The following ACACA variants were observed in gnomAD, a reference collection of about 807,000 sequenced individuals.
The protein encoded by ACACA is acetyl-CoA carboxylase alpha.
A neutral mutation model predicts 296.1 loss-of-function variants in ACACA; 103 were observed. That is an observed-to-expected ratio of 0.35 (90% CI 0.30 to 0.41). ACACA has a LOEUF of 0.41. Among genes scored for constraint, ACACA ranks in the 10% least tolerant of loss-of-function variants. The pLI, the probability that ACACA is intolerant of heterozygous loss-of-function variation, is 1.00. For missense variants in ACACA, 1,554 were observed against 2,989.7 expected (o/e 0.52, Z 11.20); for synonymous variants, 953 against 1,038.6 (o/e 0.92, Z 1.58).
At chr17:37,386,048 C>T in intron 1 of ACACA, 3 of 1,605,112 alleles carry the variant, frequency 1.9e-6, no homozygotes, top group South Asian at 1.1e-5. Flanking sequence ...GTCCTGGGGG[C>T]TTCATCAGAG....
rs1419478932 is a variant in ACACA, at chr17:37,257,843, T to C, written c.1686A>G (p.Thr562=). Residue 562 remains threonine, a synonymous_variant, in exon 14 of 56, where the codon ACA becomes ACG. Transcript: ENST00000616317. The part of the protein sequence containing the change: ...PDEGFKPSSG[T]VQELNFRSNK... ...TGCTGCGGAAATTTAGCTCCTGAAC[T>C]GTTCCTGAGCTGGGCTTAAAACCCT... The C allele has an allele frequency of 1.2e-6, 2 of 1,614,056 alleles. No individual in the cohort carries two copies. The highest frequency in any genetic ancestry group is 1.7e-6 in the Non-Finnish European group (2 of 1,180,010).
In ACACA at chr17:37,122,644, C is replaced by A; in HGVS notation, c.6042-17G>T. ...CCTCCTAGCCTGATAAAACATGAGT[C>A]ACATAAGAACCCAATGTATGTCAAC... On this transcript the variant is annotated splice_polypyrimidine_tract_variant and intron_variant, in intron 48 of 55. Coordinates refer to ENST00000616317, the MANE Select transcript of ACACA (RefSeq NM_198834.3). 1 of 1,603,328 alleles carries A rather than the reference C, an allele frequency of 6.2e-7. No homozygotes were observed. Among genetic ancestry groups the A allele is most frequent in the South Asian group, 1.1e-5 (1 of 90,862 alleles).
At chr17:37,179,615 A>AGTTTCCAAATC (rs1416402587) in intron 40 of ACACA, among the ~76,000 whole-genome samples, 1 of 152,214 alleles carries the variant, frequency 6.6e-6, no homozygotes, top group Non-Finnish European at 1.5e-5. Context: ...CTTTTCCAAA[A>AGTTTCCAAATC]AGTCAAACTA....
intron 37 of ACACA, 77 bp from the exon 38 acceptor site, chr17:37,191,352 G>T: frequency 7.2e-7 from 1 of 1,380,128 alleles, no homozygotes. Flanking sequence ...AATCACTTAA[G>T]CAGCAGTATA....
At chr17:37,202,712 TACAC>T (rs71159694) in intron 33 of ACACA, among the ~76,000 whole-genome samples, 11,327 of 33,562 alleles carry the variant, frequency 0.34, 1,873 homozygotes, top group South Asian at 0.42. Flanking sequence ...TATATATATA[TACAC>T]ACACACATAT....
At chr17:37,171,928 T>TA in intron 41 of ACACA, among the ~76,000 whole-genome samples, 1 of 152,250 alleles carries the variant, frequency 6.6e-6, no homozygotes, top group South Asian at 2.1e-4. Flanking sequence ...AATTGGTTGG[T>TA]ATGGAAATTA....
At chr17:37,229,342 T>A (rs2079723398) in intron 25 of ACACA, among the ~76,000 whole-genome samples, 1 of 151,906 alleles carries the variant, frequency 6.6e-6, no homozygotes, top group Non-Finnish European at 1.5e-5. Context: ...CTCTCTCTGT[T>A]CCGCAGGCTG....
At chr17:37,329,924 G>A (rs7212022) in intron 3 of ACACA, among the ~76,000 whole-genome samples, 39,541 of 151,958 alleles carry the variant, frequency 0.26, 5,748 homozygotes, top group African/African-American at 0.37. Flanking sequence ...TTGGGCAACA[G>A]AGCAAGACTC....
At chr17:37,286,896 G>C (rs1259595899) in intron 3 of ACACA, among the ~76,000 whole-genome samples, 1 of 152,200 alleles carries the variant, frequency 6.6e-6, no homozygotes, top group Non-Finnish European at 1.5e-5. Flanking sequence ...CAGACTTAGA[G>C]GTGATAGCTA....
At chr17:37,147,794 C>T (rs2075875819) in intron 45 of ACACA, among the ~76,000 whole-genome samples, 1 of 152,128 alleles carries the variant, frequency 6.6e-6, no homozygotes, top group Non-Finnish European at 1.5e-5. Flanking sequence ...CACCCTGTAA[C>T]TAAGCTTTTG....
At chr17:37,141,671 GAGA>G (rs1787074063) in intron 45 of ACACA, among the ~76,000 whole-genome samples, 2 of 152,164 alleles carry the variant, frequency 1.3e-5, no homozygotes, top group Admixed American at 1.3e-4. Context: ...AAATGTCAGG[GAGA>G]AGAACAATCA....
chr17:37,134,335 C>T (rs1189867890), intron 45 of ACACA, among the ~76,000 whole-genome samples: 1 of 152,130 alleles, frequency 6.6e-6, no homozygotes, highest in East Asian at 1.9e-4. Flanking sequence ...ATGCTCCAGA[C>T]GTTTGACTGA....
chr17:37,161,773 G>A lies in ACACA; in HGVS notation c.5349+8C>T, dbSNP rs770207225. 2 of 1,608,652 alleles carry A rather than the reference G, an allele frequency of 1.2e-6. No individual in the cohort carries two copies. The highest frequency in any genetic ancestry group is 1.7e-6 in the Non-Finnish European group (2 of 1,179,942). On this transcript the variant is annotated splice_region_variant and intron_variant, in intron 42 of 55. Coordinates refer to ENST00000616317, the MANE Select transcript of ACACA (RefSeq NM_198834.3). ...CACCTTGAAGTAGTATATGCTCTTAGTGTGTACCTTGTAAGGATCCTCAGG... is the reference window on the plus strand; with the variant it reads ...CACCTTGAAGTAGTATATGCTCTTAATGTGTACCTTGTAAGGATCCTCAGG...
intron 29 of ACACA, among the ~76,000 whole-genome samples, chr17:37,215,534 A>G (rs1567826279): frequency 6.6e-6 from 1 of 152,212 alleles, no homozygotes; most frequent in Non-Finnish European, 1.5e-5. Flanking sequence ...TACTTTACAT[A>G]TGTTTGTATA....
chr17:37,240,707 ATTAAC>A, intron 23 of ACACA, 143 bp from the exon 24 acceptor site: 1 of 689,788 alleles, frequency 1.4e-6, no homozygotes, highest in Non-Finnish European at 2.5e-6. Flanking sequence ...GAACTACAAA[ATTAAC>A]TTAAATTCTA....
At chr17:37,360,139 C>A (rs1568052440) in intron 1 of ACACA, 4 of 151,972 alleles carry the variant, frequency 2.6e-5, no homozygotes, top group Admixed American at 1.3e-4. Flanking sequence ...TGGAAGGGGT[C>A]CCAACACAAT....
chr17:37,166,624 A>G (rs1289770207), intron 41 of ACACA, among the ~76,000 whole-genome samples: 1 of 152,234 alleles, frequency 6.6e-6, no homozygotes, highest in Non-Finnish European at 1.5e-5. Flanking sequence ...CTGTTCTAAA[A>G]GTTGACAACT....
At chr17:37,270,309 T>C (rs1387684993) in intron 10 of ACACA, among the ~76,000 whole-genome samples, 1 of 152,046 alleles carries the variant, frequency 6.6e-6, no homozygotes, top group African/African-American at 2.4e-5. Context: ...TGAGAAAAAG[T>C]CAATCAGAGA....
chr17:37,252,791 C>T (rs1356073351), intron 15 of ACACA, 95 bp downstream of exon 15: 2 of 1,529,308 alleles, frequency 1.3e-6, no homozygotes, highest in East Asian at 2.2e-5. Context: ...GAACCATTTA[C>T]ATTAGAATCA....
Sources: gnomAD v4.1 joint callset for allele counts (sites outside exome capture counted in the v4.1 genomes callset) on GRCh38, gnomAD v4.1.1 for gene constraint, MANE v1.5 for transcripts, NCBI Gene and HGNC (gene_info 2026-07-23, HGNC 2026-07-21) for gene names.